Variants in GRID2 observed in about 807,000 individuals in gnomAD.
GRID2 encodes glutamate ionotropic receptor delta type subunit 2.
In GRID2, 33 loss-of-function variants were observed where a neutral mutation model predicts 114.8. That is an observed-to-expected ratio of 0.29 (90% CI 0.22 to 0.38). The LOEUF (loss-of-function observed/expected upper bound fraction) is 0.38. GRID2 is among the 10% of genes least tolerant of loss of function. The pLI is 1.00. For missense variants in GRID2, 1,184 were observed against 1,257.7 expected, an observed-to-expected ratio of 0.94 and a Z score of 0.89; for synonymous variants, 505 against 449.9, an observed-to-expected ratio of 1.12 and a Z score of -1.55.
rs150360084 is a variant in GRID2 at position 93,698,676 on chromosome 4, A to T, written c.2361-70534A>T. Among the ~76,000 whole-genome samples, 827 of 152,182 alleles carry T rather than the reference A, an allele frequency of 5.4e-3. 7 individuals are homozygous for T. The highest frequency in any genetic ancestry group is 0.019 in the African/African-American group (779 of 41,560). ...AATTATAATAAATATTGATTTTAGG[A>T]ATAAGTTTTGAATATTTTATTTTTA... On this transcript the variant is annotated intron_variant, in intron 14 of 15. Coordinates refer to ENST00000282020, the MANE Select transcript of GRID2 (RefSeq NM_001510.4).
chr4:92,340,277 T>C (rs1310836537), intron 1 of GRID2, among the ~76,000 whole-genome samples: 1 of 152,168 alleles, frequency 6.6e-6, no homozygotes, highest in Non-Finnish European at 1.5e-5. Context: ...ATCAAATTTC[T>C]GAAACCAAAA....
chr4:93,580,460 C>T (rs1429158582), intron 13 of GRID2, among the ~76,000 whole-genome samples: 1 of 152,194 alleles, frequency 6.6e-6, no homozygotes, highest in African/African-American at 2.4e-5. Flanking sequence ...GCTTGTAGTT[C>T]AGCCACATGT....
intron 8 of GRID2, among the ~76,000 whole-genome samples, chr4:93,365,279 T>C (rs1334393136): frequency 1.3e-5 from 2 of 152,178 alleles, no homozygotes; most frequent in Non-Finnish European, 2.9e-5. Context: ...TTTTTGTCAA[T>C]AGTTAAAGAA....
intron 13 of GRID2, among the ~76,000 whole-genome samples, chr4:93,543,004 C>T (rs1027523158): frequency 6.6e-6 from 1 of 152,168 alleles, no homozygotes; most frequent in African/African-American, 2.4e-5. Flanking sequence ...ACACTCATTT[C>T]TACCTCAAGC....
intron 2 of GRID2, among the ~76,000 whole-genome samples, chr4:92,690,867 C>G (rs1734149160): frequency 6.6e-6 from 1 of 151,026 alleles, no homozygotes; most frequent in Non-Finnish European, 1.5e-5. Flanking sequence ...TCATATTCTT[C>G]CAAATCATGG....
intron 1 of GRID2, among the ~76,000 whole-genome samples, chr4:92,320,656 T>G (rs1726265310): frequency 6.6e-6 from 1 of 152,078 alleles, no homozygotes; most frequent in Non-Finnish European, 1.5e-5. Flanking sequence ...TTTTGTATTA[T>G]TAGTAGAAAG....
chr4:93,351,927 G>T (rs1427057821), intron 8 of GRID2, among the ~76,000 whole-genome samples: 2 of 151,976 alleles, frequency 1.3e-5, no homozygotes, highest in African/African-American at 4.8e-5. Context: ...AACATTAACA[G>T]CTCCCAATGG....
chr4:93,256,936 G>T (rs1749660951), intron 8 of GRID2, among the ~76,000 whole-genome samples: 1 of 151,772 alleles, frequency 6.6e-6, no homozygotes, highest in African/African-American at 2.4e-5. Flanking sequence ...AAACATTAGA[G>T]GATTGTGACA....
intron 14 of GRID2, among the ~76,000 whole-genome samples, chr4:93,631,316 A>C (rs998024842): frequency 6.6e-6 from 1 of 152,156 alleles, no homozygotes; most frequent in Admixed American, 6.6e-5. Context: ...TGCTGCACCC[A>C]TTAACTCATC....
At chr4:93,440,529 G>A (rs1172882770) in intron 10 of GRID2, among the ~76,000 whole-genome samples, 1 of 152,048 alleles carries the variant, frequency 6.6e-6, no homozygotes, top group Non-Finnish European at 1.5e-5. Flanking sequence ...AAGAATACAT[G>A]TTTGCACGTC....
chr4:92,475,927 T>C (rs1410841628), intron 1 of GRID2, among the ~76,000 whole-genome samples: 5 of 152,012 alleles, frequency 3.3e-5, no homozygotes, highest in African/African-American at 1.2e-4. Context: ...CTTTATTTTA[T>C]TGTAGATATT....
chr4:92,459,094 C>T (rs973842594), intron 1 of GRID2, among the ~76,000 whole-genome samples: 8 of 152,204 alleles, frequency 5.3e-5, no homozygotes, highest in Admixed American at 4.6e-4. Context: ...AAATTGTCAT[C>T]ATGCATACAT....
intron 8 of GRID2, among the ~76,000 whole-genome samples, chr4:93,321,689 T>G (rs1757234303): frequency 6.6e-6 from 1 of 151,992 alleles, no homozygotes; most frequent in African/African-American, 2.4e-5. Context: ...TTTTATTCAC[T>G]TCTGGGATAT....
chr4:92,862,635 A>G (rs1272275663), intron 2 of GRID2, among the ~76,000 whole-genome samples: 1 of 152,048 alleles, frequency 6.6e-6, no homozygotes, highest in Non-Finnish European at 1.5e-5. Flanking sequence ...ATGTCATCCT[A>G]TTCACTTTGT....
At chr4:93,044,822 ATCATTAG>A (rs1278436676) in intron 2 of GRID2, among the ~76,000 whole-genome samples, 1 of 152,212 alleles carries the variant, frequency 6.6e-6, no homozygotes, top group Non-Finnish European at 1.5e-5. Context: ...ATGGCAAGGT[ATCATTAG>A]TGTCCTGGAC....
chr4:92,758,850 C>T (rs1018472762), intron 2 of GRID2, among the ~76,000 whole-genome samples: 3 of 151,998 alleles, frequency 2.0e-5, no homozygotes, highest in African/African-American at 4.8e-5. Flanking sequence ...AAGATTGGTC[C>T]TATACTTAGC....
intron 1 of GRID2, among the ~76,000 whole-genome samples, chr4:92,524,431 G>A (rs751704822): frequency 1.9e-5 from 1 of 52,966 alleles, no homozygotes; most frequent in Non-Finnish European, 3.8e-5. Flanking sequence ...TTTTTTTTTT[G>A]TTTACCATCT....
intron 9 of GRID2, among the ~76,000 whole-genome samples, chr4:93,407,224 GA>G (rs1257733104): frequency 2.0e-5 from 3 of 152,214 alleles, no homozygotes; most frequent in African/African-American, 7.2e-5. Context: ...AGGAGAGTCT[GA>G]AATGAGAATA....
intron 2 of GRID2, among the ~76,000 whole-genome samples, chr4:92,790,460 G>A (rs1739529981): frequency 6.6e-6 from 1 of 151,724 alleles, no homozygotes; most frequent in Non-Finnish European, 1.5e-5. Flanking sequence ...CTGTTGCCCA[G>A]TCTGGAAAGC....
Sources: allele counts gnomAD v4.1 joint callset (sites outside exome capture counted in the v4.1 genomes callset), GRCh38; gene constraint gnomAD v4.1.1; transcripts MANE v1.5; gene names NCBI Gene and HGNC (gene_info 2026-07-23, HGNC 2026-07-21).